The following DENND1A variants were observed in gnomAD, a reference collection of about 807,000 sequenced individuals.
DENND1A encodes DENN domain-containing protein 1A.
A neutral mutation model predicts 113.7 loss-of-function variants in DENND1A; 51 were observed. The ratio of observed to expected loss-of-function variants is 0.45; its 90% CI spans 0.36 to 0.57. The LOEUF (loss-of-function observed/expected upper bound fraction) is 0.57, where lower values mean the gene tolerates loss of function less well. Among genes scored for constraint, DENND1A ranks in the 20% least tolerant of loss-of-function variants. DENND1A has a pLI of 0.00. For missense variants in DENND1A, 1,258 were observed against 1,395.9 expected (o/e 0.90, Z 1.57); for synonymous variants, 565 against 570.8 (o/e 0.99, Z 0.14).
intron 13 of DENND1A, among the ~76,000 whole-genome samples, chr9:123,517,768 T>C (rs990332083): frequency 1.9e-5 from 2 of 103,308 alleles, no homozygotes; most frequent in African/African-American, 5.6e-5. Flanking sequence ...TATCTCATAG[T>C]GTGAGGAAAA....
intron 1 of DENND1A, among the ~76,000 whole-genome samples, chr9:123,915,260 C>T (rs1854879002): frequency 1.3e-5 from 2 of 152,062 alleles, no homozygotes; most frequent in South Asian, 4.1e-4. Context: ...TAACATTCTC[C>T]TTCAAATGGG....
At chr9:123,390,912 G>T (rs1010039666) in intron 21 of DENND1A, among the ~76,000 whole-genome samples, 1 of 152,264 alleles carries the variant, frequency 6.6e-6, no homozygotes, top group Admixed American at 6.5e-5. Context: ...TCTGACAAGA[G>T]AGCACAGATC....
intron 15 of DENND1A, 70 bp from the exon 16 acceptor site, chr9:123,454,849 CT>C (rs764248245): frequency 0.17 from 162,520 of 981,410 alleles, 1 homozygote; most frequent in East Asian, 0.23. Flanking sequence ...CTTAAAATTG[CT>C]TTTTTTTTTT....
At chr9:123,782,121 A>G (rs1345830084) in intron 3 of DENND1A, among the ~76,000 whole-genome samples, 1 of 152,120 alleles carries the variant, frequency 6.6e-6, no homozygotes, top group East Asian at 1.9e-4. Flanking sequence ...GGTAGGGGAT[A>G]TTTCTTAAGA....
intron 2 of DENND1A, among the ~76,000 whole-genome samples, chr9:123,858,383 T>G (rs181403438): frequency 1.2e-4 from 18 of 152,336 alleles, no homozygotes; most frequent in Admixed American, 4.6e-4. Flanking sequence ...TGATATTGTT[T>G]AAAATCTTTC....
intron 6 of DENND1A, among the ~76,000 whole-genome samples, chr9:123,675,536 A>C (rs377646140): frequency 3.9e-5 from 6 of 152,254 alleles, no homozygotes; most frequent in African/African-American, 1.4e-4. Context: ...ACAGAAAAAA[A>C]TTAAGGGAAA....
chr9:123,759,377 C>G (rs995942532), intron 4 of DENND1A: 4 of 152,188 alleles, frequency 2.6e-5, no homozygotes, highest in Non-Finnish European at 5.9e-5. Flanking sequence ...TAGAAGAGGT[C>G]ACTGAGTTTG....
rs374859282 is a variant in DENND1A, at chr9:123,489,419, G to C, written c.994-31522C>G. ...CTAGCTGCAGGAAGCCTCATCCTTC[G>C]GCAAGAGCAATGAGAAATGGCCTGA... On this transcript the variant is annotated intron_variant, in intron 13 of 23. Coordinates refer to ENST00000394215, the MANE Select transcript of DENND1A (RefSeq NM_001352964.2). Among the ~76,000 whole-genome samples the C allele has an allele frequency of 2.6e-5, 4 of 152,296 alleles. 1 individual carries two copies. In the South Asian group the frequency reaches 8.3e-4, roughly 32 times the overall value.
At chr9:123,551,889 G>A (rs1009916142) in intron 13 of DENND1A, among the ~76,000 whole-genome samples, 4 of 152,060 alleles carry the variant, frequency 2.6e-5, no homozygotes, top group African/African-American at 9.7e-5. Context: ...CTCAGCAAGC[G>A]GTCCCCTTCC....
At chr9:123,839,266 T>C (rs528818485) in intron 2 of DENND1A, among the ~76,000 whole-genome samples, 27 of 152,294 alleles carry the variant, frequency 1.8e-4, no homozygotes, top group Admixed American at 1.2e-3. Flanking sequence ...CCGGTTCCAA[T>C]TGGTCCTCAT....
At chr9:123,524,147 T>G (rs984165833) in intron 13 of DENND1A, among the ~76,000 whole-genome samples, 3 of 152,210 alleles carry the variant, frequency 2.0e-5, no homozygotes, top group African/African-American at 7.2e-5. Flanking sequence ...GGGGAAACCT[T>G]ACTCCTTCCT....
intron 5 of DENND1A, among the ~76,000 whole-genome samples, chr9:123,754,291 C>T (rs1373568326): frequency 6.6e-6 from 1 of 152,200 alleles, no homozygotes; most frequent in African/African-American, 2.4e-5. Context: ...ACACCGTCAA[C>T]CAGTCATCCA....
intron 11 of DENND1A, among the ~76,000 whole-genome samples, chr9:123,603,413 A>C (rs1564800422): frequency 6.6e-6 from 1 of 152,230 alleles, no homozygotes; most frequent in Non-Finnish European, 1.5e-5. Context: ...CCCGAGACCA[A>C]GATGAGCTTT....
intron 8 of DENND1A, among the ~76,000 whole-genome samples, chr9:123,663,862 C>A (rs926448236): frequency 1.0e-4 from 15 of 149,620 alleles, no homozygotes; most frequent in East Asian, 2.0e-4. Flanking sequence ...AAAAAAAAAA[C>A]CAAAAGAATA....
At chr9:123,719,577 G>A (rs1246978482) in intron 5 of DENND1A, among the ~76,000 whole-genome samples, 14 of 152,076 alleles carry the variant, frequency 9.2e-5, no homozygotes, top group Admixed American at 6.5e-4. Flanking sequence ...CAGTTAAATC[G>A]CAGACTGAGT....
At chr9:123,513,500 C>T (rs961080427) in intron 13 of DENND1A, among the ~76,000 whole-genome samples, 1 of 152,222 alleles carries the variant, frequency 6.6e-6, no homozygotes, top group Admixed American at 6.5e-5. Flanking sequence ...GAGATCGGCA[C>T]ATCTTTCCCT....
intron 5 of DENND1A, among the ~76,000 whole-genome samples, chr9:123,720,900 C>T (rs2067290945): frequency 6.6e-6 from 1 of 152,220 alleles, no homozygotes; most frequent in South Asian, 2.1e-4. Flanking sequence ...GGCATTCATG[C>T]ATTCATTTAT....
intron 1 of DENND1A, among the ~76,000 whole-genome samples, chr9:123,883,922 A>G (rs763703211): frequency 6.9e-4 from 105 of 151,978 alleles, no homozygotes; most frequent in Non-Finnish European, 1.1e-3. Flanking sequence ...GTCTATAATT[A>G]TAAGTTATGG....
At chr9:123,728,727 C>T (rs1020919617) in intron 5 of DENND1A, among the ~76,000 whole-genome samples, 7 of 151,936 alleles carry the variant, frequency 4.6e-5, no homozygotes, top group Non-Finnish European at 8.8e-5. Flanking sequence ...ACTATGATGC[C>T]ACGATTAAGA....
Sources: gnomAD v4.1 joint callset for allele counts (sites outside exome capture counted in the v4.1 genomes callset) on GRCh38, gnomAD v4.1.1 for gene constraint, MANE v1.5 for transcripts, NCBI Gene and HGNC (gene_info 2026-07-23, HGNC 2026-07-21) for gene names.